The following EFCAB10 variants were observed in gnomAD, a reference collection of about 807,000 sequenced individuals.
EFCAB10 encodes the protein EF-hand calcium-binding domain-containing protein 10.
Under a neutral mutation model 7.7 loss-of-function variants are expected in EFCAB10, and 7 were observed. That is an observed-to-expected ratio of 0.91 (90% CI 0.52 to 1.72). The LOEUF is 1.72. EFCAB10 is among the 40% of genes most tolerant of loss of function. The pLI is 0.00. For missense variants in EFCAB10, 112 were observed against 61.5 expected, an observed-to-expected ratio of 1.82 and a Z score of -2.74; for synonymous variants, 52 against 21.0, an observed-to-expected ratio of 2.47 and a Z score of -4.03.
chr7:105,567,740 T>C lies in EFCAB10; in HGVS notation c.360-250A>G, dbSNP rs999278021. 1.2e-4 allele frequency: 53 copies of C among 425,660 alleles called. No homozygotes were observed. In the East Asian group the frequency reaches 2.0e-3, roughly 16 times the overall value. The allele number at this position is 425,660 out of a possible 1,614,324, so 26.4% of individuals were successfully genotyped here. A position where few individuals can be genotyped will look rare whatever the true frequency, so the allele number is the denominator to read the frequency against. ...AGTTTGGGAATTAACTGTATTTCCA[T>C]GAGGAAACTGGCAGGGCACAGTGTC... On this transcript the variant is annotated intron_variant, in intron 3 of 4. Transcript: ENST00000480514.
intron 3 of EFCAB10, among the ~76,000 whole-genome samples, chr7:105,568,954 A>G (rs1327327210): frequency 2.6e-4 from 14 of 53,150 alleles, no homozygotes; most frequent in South Asian, 6.7e-4. Flanking sequence ...CATCTCAGGG[A>G]AAAAAAAAAA....
chr7:105,577,813 C>T lies in EFCAB10; in HGVS notation c.106+3545G>A, dbSNP rs559172489. ...CAGCTCACTGCAACCTCTGCCTCCG[C>T]GTTCAAGCGATTCTCCTGTCTCAGC... On this transcript the variant is annotated intron_variant, in intron 1 of 4. Coordinates refer to ENST00000480514, the MANE Select transcript of EFCAB10 (RefSeq NM_001355526.2). 5.3e-5 allele frequency among the ~76,000 whole-genome samples: 8 copies of T among 151,902 alleles called. No individual in the cohort carries two copies. The East Asian group carries it at 7.7e-4, about 15-fold the overall frequency.
At chr7:105,568,459 C>T (rs942509618) in intron 3 of EFCAB10, among the ~76,000 whole-genome samples, 1 of 152,172 alleles carries the variant, frequency 6.6e-6, no homozygotes, top group East Asian at 1.9e-4. Flanking sequence ...GACTAACATG[C>T]AGCCTATGCT....
chr7:105,565,236 A>G lies in EFCAB10; in HGVS notation c.*211T>C. ...AATGATTTAAAAACTTGAAAAATAGAAACTGATGAAAATTTTTTGGTAAAA... is the reference window on the plus strand; with the variant it reads ...AATGATTTAAAAACTTGAAAAATAGGAACTGATGAAAATTTTTTGGTAAAA... On this transcript the variant is annotated 3_prime_UTR_variant, in exon 5 of 5. Transcript: ENST00000480514. 1 of 1,550,420 alleles carries G rather than the reference A, an allele frequency of 6.4e-7. No homozygotes were observed. Among genetic ancestry groups the G allele is most frequent in the Non-Finnish European group, 8.7e-7 (1 of 1,143,084 alleles).
At chr7:105,574,177 T>C (rs934890797) in intron 1 of EFCAB10, among the ~76,000 whole-genome samples, 2 of 38,126 alleles carry the variant, frequency 5.2e-5, no homozygotes, top group Non-Finnish European at 1.3e-4. Context: ...CACACCCATA[T>C]GTATATATAC....
At chr7:105,567,327 G>A in intron 4 of EFCAB10, 140 bp downstream of exon 4, 1 of 1,544,248 alleles carries the variant, frequency 6.5e-7, no homozygotes. Context: ...TTCAGAAAAA[G>A]GTTTCTTTGG....
At chr7:105,568,605 A>AT (rs1229918099) in intron 3 of EFCAB10, among the ~76,000 whole-genome samples, 1 of 152,114 alleles carries the variant, frequency 6.6e-6, no homozygotes, top group South Asian at 2.1e-4. Flanking sequence ...GTCCTAGCAT[A>AT]TTGGTGCTTC....
intron 1 of EFCAB10, among the ~76,000 whole-genome samples, chr7:105,577,007 T>G (rs1792097397): frequency 6.6e-6 from 1 of 151,540 alleles, no homozygotes; most frequent in African/African-American, 2.4e-5. Context: ...TGAGCCAAGA[T>G]GTGCCACTGT....
At chr7:105,578,745 C>A (rs1444252607) in intron 1 of EFCAB10, among the ~76,000 whole-genome samples, 1 of 152,066 alleles carries the variant, frequency 6.6e-6, no homozygotes, top group African/African-American at 2.4e-5. Context: ...ATTCTGAGGG[C>A]AATATGTTCC....
intron 1 of EFCAB10, among the ~76,000 whole-genome samples, chr7:105,578,910 C>G (rs1468083720): frequency 1.3e-5 from 2 of 152,096 alleles, no homozygotes; most frequent in Admixed American, 6.6e-5. Context: ...GTAGCTGGGA[C>G]TAGAGGCACA....
chr7:105,572,026 C>T (rs1791962197), intron 1 of EFCAB10: 1 of 152,062 alleles, frequency 6.6e-6, no homozygotes, highest in Non-Finnish European at 1.5e-5. Context: ...TCCATTTTTC[C>T]ATGAACTTTT....
chr7:105,578,922 G>C (rs1438332719), intron 1 of EFCAB10, among the ~76,000 whole-genome samples: 2 of 152,118 alleles, frequency 1.3e-5, no homozygotes, highest in African/African-American at 4.8e-5. Flanking sequence ...AGAGGCACAT[G>C]CCACCATGCC....
chr7:105,565,227 G>GA lies in EFCAB10; in HGVS notation c.*219dup. On this transcript the variant is annotated 3_prime_UTR_variant, in exon 5 of 5. Transcript: ENST00000480514. ...CAAATTTAAAATGATTTAAAAACTT[G>GA]AAAAATAGAAACTGATGAAAATTTT... is the stretch of plus-strand genomic sequence containing the variant. The GA allele has an allele frequency of 6.5e-7, 1 of 1,528,810 alleles. No individual in the cohort carries two copies. The highest frequency in any genetic ancestry group is 8.9e-7 in the Non-Finnish European group (1 of 1,128,958). The allele number at this position is 1,528,810 out of a possible 1,614,324, so 94.7% of individuals were successfully genotyped here. A position where few individuals can be genotyped will look rare whatever the true frequency, so the allele number is the denominator to read the frequency against.
At chr7:105,580,957 C>T (rs547022662) in intron 1 of EFCAB10, among the ~76,000 whole-genome samples, 10 of 152,330 alleles carry the variant, frequency 6.6e-5, no homozygotes, top group African/African-American at 2.2e-4. Context: ...CGGTGGCTCA[C>T]GCCTACAATC....
chr7:105,567,295 C>G (rs199604799), intron 4 of EFCAB10, 172 bp downstream of exon 4: 1 of 1,595,830 alleles, frequency 6.3e-7, no homozygotes, highest in African/African-American at 1.4e-5. Flanking sequence ...ACAAATTGGC[C>G]TAATACTGGA....
At chr7:105,565,576 A>G in intron 4 of EFCAB10, 129 bp from the exon 5 acceptor site, 1 of 1,614,082 alleles carries the variant, frequency 6.2e-7, no homozygotes, top group Non-Finnish European at 8.5e-7. Flanking sequence ...GCCCAGCTGC[A>G]GTTTGATATG....
intron 1 of EFCAB10, among the ~76,000 whole-genome samples, chr7:105,570,345 T>C (rs1407260019): frequency 1.4e-5 from 2 of 145,202 alleles, no homozygotes; most frequent in Non-Finnish European, 3.0e-5. Flanking sequence ...CTGATAAATA[T>C]GGTCCTCCAG....
At chr7:105,574,104 T>TAC (rs201813322) in intron 1 of EFCAB10, among the ~76,000 whole-genome samples, 2 of 139,908 alleles carry the variant, frequency 1.4e-5, no homozygotes, top group Admixed American at 7.6e-5. Flanking sequence ...TATACACACA[T>TAC]ACACACACAC....
intron 1 of EFCAB10, among the ~76,000 whole-genome samples, chr7:105,580,848 G>T (rs1295680314): frequency 6.6e-6 from 1 of 152,152 alleles, no homozygotes; most frequent in African/African-American, 2.4e-5. Flanking sequence ...AGGGGGTTCA[G>T]ATGTGTAAAA....
Sources: allele counts gnomAD v4.1 joint callset (sites outside exome capture counted in the v4.1 genomes callset), GRCh38; gene constraint gnomAD v4.1.1; transcripts MANE v1.5; gene names NCBI Gene and HGNC (gene_info 2026-07-23, HGNC 2026-07-21).